PIK3C2G: variants seen among roughly 807,000 people sequenced by gnomAD.
PIK3C2G encodes the protein phosphatidylinositol-4-phosphate 3-kinase catalytic subunit type 2 gamma.
PIK3C2G carries 168 observed loss-of-function variants against 181.1 expected under a neutral mutation model. The ratio of observed to expected loss-of-function variants is 0.93; its 90% CI spans 0.82 to 1.05. The LOEUF (loss-of-function observed/expected upper bound fraction) is 1.05. Ranked by LOEUF, PIK3C2G falls within the 50% of genes least tolerant of loss-of-function variation. The pLI is 0.00. For missense variants in PIK3C2G, 1,869 were observed against 1,732.8 expected (o/e 1.08, Z -1.40); for synonymous variants, 573 against 592.2 (o/e 0.97, Z 0.47).
Position 18,488,615 on chromosome 12 carries a change from G to T in PIK3C2G, c.2671G>T (p.Asp891Tyr). The T allele has an allele frequency of 2.6e-6, 4 of 1,515,144 alleles. No homozygotes were observed. The South Asian group carries it at 5.2e-5, about 20-fold the overall frequency. 93.9% of individuals were successfully genotyped at this position (1,515,144 alleles called of 1,614,324 possible). Reference sequence around the variant, plus strand: ...TGGGGAAAGAGTCAAGTCTGCCAGTGACCATCAAAGACAGGTTTGTTGAAA... The same window carrying T: ...TGGGGAAAGAGTCAAGTCTGCCAGTTACCATCAAAGACAGGTTTGTTGAAA... ...DIGERVKSAS[D>Y]HQRQEVLKKE... is the part of the protein sequence containing the mutation. Residue 891 changes from aspartate (D) to tyrosine (Y), a missense_variant, in exon 19 of 33, where the codon GAC (aspartate) becomes TAC (tyrosine). Coordinates refer to ENST00000538779, the MANE Select transcript of PIK3C2G (RefSeq NM_001288772.2).
At chr12:18,570,114 A>C (rs1368380799) in intron 29 of PIK3C2G, among the ~76,000 whole-genome samples, 1 of 152,122 alleles carries the variant, frequency 6.6e-6, no homozygotes, top group African/African-American at 2.4e-5. Flanking sequence ...TAAATGTGTG[A>C]ATCTTTTGTG....
chr12:18,615,835 A>G (rs549304127), intron 31 of PIK3C2G, among the ~76,000 whole-genome samples: 23 of 152,186 alleles, frequency 1.5e-4, no homozygotes, highest in African/African-American at 4.6e-4. Context: ...CTAAGACTGC[A>G]TTTTACTATA....
rs745439888 is a variant in PIK3C2G, at chr12:18,503,300, T to G, written c.3036T>G (p.Pro1012=). Reference sequence around the variant, plus strand: ...TACCAGGATTGGTGCAGATGGTACCTGATGCTGTGACCCTAGCAAAGATTC... The same window carrying G: ...TACCAGGATTGGTGCAGATGGTACCGGATGCTGTGACCCTAGCAAAGATTC... The part of the protein sequence containing the change: ...GKDQGLVQMV[P]DAVTLAKIHR... Residue 1012 remains proline (P), a synonymous_variant, in exon 23 of 33, where the codon CCT becomes CCG. Coordinates refer to ENST00000538779, the MANE Select transcript of PIK3C2G (RefSeq NM_001288772.2). The G allele has an allele frequency of 1.9e-6, 3 of 1,609,816 alleles. No individual in the cohort carries two copies. In the South Asian group the frequency reaches 3.3e-5, roughly 18 times the overall value.
At chr12:18,466,486 T>A (rs1364706612) in intron 18 of PIK3C2G, among the ~76,000 whole-genome samples, 12 of 151,916 alleles carry the variant, frequency 7.9e-5, no homozygotes, top group Admixed American at 7.9e-4. Context: ...TGTAGAACCC[T>A]TTTTAAAAGG....
chr12:18,262,422 C>T (rs1459807010), intron 1 of PIK3C2G, among the ~76,000 whole-genome samples: 2 of 152,028 alleles, frequency 1.3e-5, no homozygotes, highest in East Asian at 1.9e-4. Flanking sequence ...CCCCTCATGT[C>T]ATTAATAATG....
rs1237798023 is a variant in PIK3C2G at position 18,282,319 on chromosome 12, G to T, written c.238G>T (p.Glu80Ter). The T allele has an allele frequency of 6.2e-7, 1 of 1,613,606 alleles. No homozygotes were observed. The highest frequency in any genetic ancestry group is 1.3e-5 in the African/African-American group (1 of 75,010). The change falls in exon 2 of 33, where the codon GAA becomes TAA. Residue 80 changes from glutamate to a stop codon, truncating the protein, a stop_gained. Coordinates refer to ENST00000538779, the MANE Select transcript of PIK3C2G (RefSeq NM_001288772.2). LOFTEE classifies it high-confidence loss of function. ...GGACTCAACAGGGCATTCATTAAAT[G>T]AAGCACACCAAATATCCTTGAATGA... ...KWDSTGHSLN[E>*]AHQISLNEFT...
chr12:18,424,084 C>T (rs1345675708), intron 18 of PIK3C2G, 45 bp downstream of exon 18: 1 of 1,104,784 alleles, frequency 9.1e-7, no homozygotes. Flanking sequence ...TAATTGCCAC[C>T]TTCTCTATGG....
At chr12:18,636,114 A>G (rs1949590374) in intron 31 of PIK3C2G, among the ~76,000 whole-genome samples, 1 of 152,184 alleles carries the variant, frequency 6.6e-6, no homozygotes, top group Admixed American at 6.5e-5. Context: ...CATATGAACT[A>G]AATTATGACA....
At chr12:18,288,533 C>T (rs772418291) in intron 3 of PIK3C2G, among the ~76,000 whole-genome samples, 3 of 152,116 alleles carry the variant, frequency 2.0e-5, no homozygotes, top group Admixed American at 6.5e-5. Context: ...TTTCTTGCTC[C>T]AGTTTATGGG....
At chr12:18,570,618 C>A (rs1280135577) in intron 29 of PIK3C2G, among the ~76,000 whole-genome samples, 3 of 150,188 alleles carry the variant, frequency 2.0e-5, no homozygotes, top group African/African-American at 7.5e-5. Context: ...AGGGCATTAT[C>A]CAAGCAGGTT....
the PIK3C2G span, chr12:18,694,080 C>T: frequency 4.1e-6 from 5 of 1,206,602 alleles, no homozygotes; most frequent in African/African-American, 1.5e-5. Flanking sequence ...GAAGACACCC[C>T]TGAGGGGCTG....
chr12:18,331,137 C>G (rs191373872), intron 8 of PIK3C2G, among the ~76,000 whole-genome samples: 3 of 152,152 alleles, frequency 2.0e-5, no homozygotes, highest in Admixed American at 1.3e-4. Context: ...AATTACCATA[C>G]GTTCATGGAA....
At position 18,496,044 on chromosome 12, in the gene PIK3C2G, CT is replaced by C; in HGVS notation, c.2794-13del. On this transcript the variant is annotated splice_polypyrimidine_tract_variant and intron_variant, in intron 20 of 32. Coordinates refer to ENST00000538779, the MANE Select transcript of PIK3C2G (RefSeq NM_001288772.2). ...GATTTATTTTGCTCACTAGTTTTCCCTTTTTCTTTTCCTATAGGCATGTTCA... is the reference window on the plus strand; with the variant it reads ...GATTTATTTTGCTCACTAGTTTTCCCTTTTCTTTTCCTATAGGCATGTTCA... 3 of 1,375,282 alleles carry C rather than the reference CT, an allele frequency of 2.2e-6. No individual in the cohort carries two copies. The highest frequency in any genetic ancestry group is 1.5e-5 in the African/African-American group (1 of 67,042). 85.2% of individuals were successfully genotyped at this position (1,375,282 alleles called of 1,614,324 possible).
At chr12:18,639,508 C>A (rs527990358) in intron 31 of PIK3C2G, among the ~76,000 whole-genome samples, 1 of 152,264 alleles carries the variant, frequency 6.6e-6, no homozygotes, top group South Asian at 2.1e-4. Context: ...AAATATTTCT[C>A]ATTTTATAAA....
intron 29 of PIK3C2G, among the ~76,000 whole-genome samples, chr12:18,586,314 G>A (rs12581094): frequency 6.6e-5 from 10 of 151,962 alleles, no homozygotes; most frequent in Admixed American, 6.6e-5. Context: ...TAGTAAGATA[G>A]ATAGGCCATT....
intron 18 of PIK3C2G, among the ~76,000 whole-genome samples, chr12:18,465,955 C>T (rs992326610): frequency 1.3e-5 from 2 of 151,332 alleles, no homozygotes; most frequent in African/African-American, 4.8e-5. Context: ...ATTCTACATA[C>T]TTCTTTTTTT....
chr12:18,304,121 G>A (rs894167080), intron 5 of PIK3C2G, among the ~76,000 whole-genome samples: 1 of 152,074 alleles, frequency 6.6e-6, no homozygotes, highest in East Asian at 1.9e-4. Context: ...TAGTAGAGAC[G>A]ATGCATTCCT....
intron 6 of PIK3C2G, among the ~76,000 whole-genome samples, chr12:18,320,674 C>T (rs143015336): frequency 6.6e-6 from 1 of 152,338 alleles, no homozygotes; most frequent in African/African-American, 2.4e-5. Context: ...AAAAATCTGC[C>T]TTCATACTTA....
the PIK3C2G span, among the ~76,000 whole-genome samples, chr12:18,716,788 T>C: frequency 6.6e-6 from 1 of 152,222 alleles, no homozygotes; most frequent in East Asian, 1.9e-4. Flanking sequence ...TGTTGTAACT[T>C]ATTTAGATTG....
Sources: allele counts gnomAD v4.1 joint callset (sites outside exome capture counted in the v4.1 genomes callset), GRCh38; gene constraint gnomAD v4.1.1; transcripts MANE v1.5; gene names NCBI Gene and HGNC (gene_info 2026-07-23, HGNC 2026-07-21).